The following SLC35F1 variants were observed in gnomAD, a reference collection of about 807,000 sequenced individuals.
The protein encoded by SLC35F1 is chromosome 6 open reading frame 169.
SLC35F1 carries 14 observed loss-of-function variants against 48.7 expected under a neutral mutation model. The observed-to-expected ratio is 0.29, with a 90% CI of 0.19 to 0.45. The LOEUF is 0.45. Ranked by LOEUF, SLC35F1 falls within the 20% of genes least tolerant of loss-of-function variation. SLC35F1 has a pLI of 1.00. For synonymous variants in SLC35F1, 190 were observed against 202.2 expected, an observed-to-expected ratio of 0.94 and a Z score of 0.51; for missense variants, 404 against 500.0, an observed-to-expected ratio of 0.81 and a Z score of 1.83.
intron 3 of SLC35F1, among the ~76,000 whole-genome samples, chr6:118,264,274 C>G (rs1026711513): frequency 1.3e-5 from 2 of 152,190 alleles, no homozygotes; most frequent in Admixed American, 6.5e-5. Flanking sequence ...TCTAATGTCC[C>G]TTCTGACAGT....
chr6:117,977,474 A>C (rs757391357), intron 1 of SLC35F1, among the ~76,000 whole-genome samples: 84 of 152,170 alleles, frequency 5.5e-4, no homozygotes, highest in Non-Finnish European at 8.5e-4. Flanking sequence ...AATGTTAGCT[A>C]AGTATTGATA....
At chr6:118,272,767 A>ATATATAGATG (rs1775872442) in intron 4 of SLC35F1, among the ~76,000 whole-genome samples, 1 of 136,070 alleles carries the variant, frequency 7.3e-6, no homozygotes, top group African/African-American at 2.9e-5. Flanking sequence ...ATATATATGT[A>ATATATAGATG]TATATATATA....
chr6:118,069,058 G>T (rs1434791404), intron 1 of SLC35F1, among the ~76,000 whole-genome samples: 1 of 152,144 alleles, frequency 6.6e-6, no homozygotes, highest in East Asian at 1.9e-4. Context: ...GTTAGATTGA[G>T]ATAGTTAAGA....
At chr6:118,025,898 A>C (rs1771931205) in intron 1 of SLC35F1, among the ~76,000 whole-genome samples, 1 of 152,234 alleles carries the variant, frequency 6.6e-6, no homozygotes, top group African/African-American at 2.4e-5. Context: ...TAACACTTTC[A>C]AATGGGTCAA....
chr6:117,931,450 C>T (rs1481679597), intron 1 of SLC35F1, among the ~76,000 whole-genome samples: 1 of 152,152 alleles, frequency 6.6e-6, no homozygotes, highest in Admixed American at 6.5e-5. Context: ...GAATTATTTT[C>T]ACTGTGAATG....
chr6:118,139,097 G>A (rs1773843536), intron 1 of SLC35F1, among the ~76,000 whole-genome samples: 1 of 152,040 alleles, frequency 6.6e-6, no homozygotes, highest in African/African-American at 2.4e-5. Context: ...ACCAAGGATG[G>A]AGTTTAAAAC....
intron 2 of SLC35F1, among the ~76,000 whole-genome samples, chr6:118,204,152 T>C (rs1233056202): frequency 1.3e-5 from 2 of 151,242 alleles, no homozygotes; most frequent in Non-Finnish European, 2.9e-5. Context: ...GCAGGAGAGC[T>C]AAAGTCATGG....
At chr6:118,135,891 G>A (rs1357743792) in intron 1 of SLC35F1, among the ~76,000 whole-genome samples, 1 of 149,542 alleles carries the variant, frequency 6.7e-6, no homozygotes, top group Non-Finnish European at 1.5e-5. Context: ...TCTTCCATCA[G>A]GTCCCCCTCA....
At chr6:118,132,422 G>GT (rs35339665) in intron 1 of SLC35F1, among the ~76,000 whole-genome samples, 1 of 152,164 alleles carries the variant, frequency 6.6e-6, no homozygotes, top group Non-Finnish European at 1.5e-5. Context: ...TTCAGATTAC[G>GT]TTTTTTTGCC....
chr6:118,162,928 G>A (rs745638424), intron 2 of SLC35F1, among the ~76,000 whole-genome samples: 2 of 151,716 alleles, frequency 1.3e-5, no homozygotes, highest in Admixed American at 6.6e-5. Context: ...AGTGCATTTC[G>A]TGTGTGTGCT....
chr6:117,966,224 G>A (rs573601390), intron 1 of SLC35F1, among the ~76,000 whole-genome samples: 9 of 146,292 alleles, frequency 6.2e-5, no homozygotes, highest in East Asian at 2.0e-4. Flanking sequence ...TTCGCACTTC[G>A]CAATAAATCT....
intron 7 of SLC35F1, among the ~76,000 whole-genome samples, chr6:118,292,299 C>A (rs183985156): frequency 6.6e-6 from 1 of 152,178 alleles, no homozygotes. Context: ...GAACTGGGAC[C>A]AAAGGGTGAA....
intron 2 of SLC35F1, among the ~76,000 whole-genome samples, chr6:118,202,352 C>G (rs1774882415): frequency 6.6e-6 from 1 of 152,046 alleles, no homozygotes; most frequent in Non-Finnish European, 1.5e-5. Flanking sequence ...AAAAAATTAG[C>G]TAGGCATGGT....
chr6:118,113,401 G>C (rs1319605740), intron 1 of SLC35F1, among the ~76,000 whole-genome samples: 1 of 152,048 alleles, frequency 6.6e-6, no homozygotes, highest in Non-Finnish European at 1.5e-5. Flanking sequence ...GGGCAATAAT[G>C]ATGTGTCAAT....
At chr6:118,220,644 TG>T (rs938016874) in intron 2 of SLC35F1, among the ~76,000 whole-genome samples, 2 of 152,198 alleles carry the variant, frequency 1.3e-5, no homozygotes, top group Non-Finnish European at 2.9e-5. Flanking sequence ...TGAAAATGTC[TG>T]GGGTGGAGCC....
intron 2 of SLC35F1, among the ~76,000 whole-genome samples, chr6:118,205,186 G>A (rs1355418511): frequency 3.3e-5 from 5 of 152,194 alleles, no homozygotes; most frequent in African/African-American, 9.7e-5. Flanking sequence ...CTGTGTGTGG[G>A]AGTTTTAGGG....
At chr6:117,916,629 G>A (rs1343914531) in intron 1 of SLC35F1, among the ~76,000 whole-genome samples, 1 of 152,218 alleles carries the variant, frequency 6.6e-6, no homozygotes, top group East Asian at 1.9e-4. Flanking sequence ...TGAAAGGGAT[G>A]CCCTGGAATG....
intron 2 of SLC35F1, among the ~76,000 whole-genome samples, chr6:118,164,553 T>C (rs941084410): frequency 2.0e-5 from 3 of 152,342 alleles, no homozygotes; most frequent in African/African-American, 7.2e-5. Flanking sequence ...AGGATAATAA[T>C]AGTAAATTCT....
intron 5 of SLC35F1, among the ~76,000 whole-genome samples, chr6:118,276,766 T>C (rs1482851962): frequency 6.6e-6 from 1 of 152,202 alleles, no homozygotes; most frequent in Admixed American, 6.5e-5. Flanking sequence ...TTTGCTTCAG[T>C]TACAGTCTAT....
Sources: allele counts gnomAD v4.1 joint callset (sites outside exome capture counted in the v4.1 genomes callset), GRCh38; gene constraint gnomAD v4.1.1; transcripts MANE v1.5; gene names NCBI Gene and HGNC (gene_info 2026-07-23, HGNC 2026-07-21).